The following ARMH3 variants were observed in gnomAD, a reference collection of about 807,000 sequenced individuals.
ARMH3 encodes the protein armadillo like helical domain containing 3.
Under a neutral mutation model 99.1 loss-of-function variants are expected in ARMH3, and 60 were observed. The ratio of observed to expected loss-of-function variants is 0.61; its 90% CI spans 0.49 to 0.75. The LOEUF (loss-of-function observed/expected upper bound fraction) is 0.75. Ranked by LOEUF, ARMH3 falls within the 30% of genes least tolerant of loss-of-function variation. ARMH3 has a pLI of 0.00. For synonymous variants in ARMH3, 285 were observed against 292.8 expected (o/e 0.97, Z 0.27); for missense variants, 679 against 843.1 (o/e 0.81, Z 2.41).
chr10:101,991,459 C>T (rs1159106025), intron 18 of ARMH3, among the ~76,000 whole-genome samples: 1 of 152,070 alleles, frequency 6.6e-6, no homozygotes, highest in African/African-American at 2.4e-5. Flanking sequence ...TGGCTCACTG[C>T]AACCTCTGCC....
intron 1 of ARMH3, among the ~76,000 whole-genome samples, chr10:102,040,744 T>C (rs2067390709): frequency 6.6e-6 from 1 of 152,102 alleles, no homozygotes; most frequent in African/African-American, 2.4e-5. Context: ...GGCCATATAT[T>C]TGAGGTTGAT....
At chr10:101,871,085 A>G (rs1001285961) in intron 24 of ARMH3, among the ~76,000 whole-genome samples, 4 of 152,248 alleles carry the variant, frequency 2.6e-5, no homozygotes, top group Non-Finnish European at 4.4e-5. Context: ...GAAATTTAAA[A>G]TACCATTTAC....
chr10:101,986,555 TTAAG>T (rs1374454643), intron 19 of ARMH3, among the ~76,000 whole-genome samples: 1 of 152,124 alleles, frequency 6.6e-6, no homozygotes, highest in Non-Finnish European at 1.5e-5. Context: ...GCTTTGAGTA[TTAAG>T]TCTTTCCAAA....
At chr10:101,951,609 G>C (rs1287625201) in intron 22 of ARMH3, among the ~76,000 whole-genome samples, 1 of 152,030 alleles carries the variant, frequency 6.6e-6, no homozygotes, top group Non-Finnish European at 1.5e-5. Flanking sequence ...GCTCACACCT[G>C]TAATCCCAGC....
At chr10:102,039,059 T>C (rs2067347297) in intron 2 of ARMH3, among the ~76,000 whole-genome samples, 1 of 152,072 alleles carries the variant, frequency 6.6e-6, no homozygotes, top group African/African-American at 2.4e-5. Context: ...TTTTTGTAAG[T>C]ATTATTCTAC....
Position 102,010,029 on chromosome 10 carries a change from G to C in ARMH3, c.832-6C>G. On this transcript the variant is annotated splice_region_variant and splice_polypyrimidine_tract_variant and intron_variant, in intron 11 of 25. Coordinates refer to ENST00000370033, the MANE Select transcript of ARMH3 (RefSeq NM_024541.3). Reference sequence around the variant, plus strand: ...GCTATGAACATGCTGCCCACCTGTGGAAGAAAAGGGGAATTGCAAACTTAT... The same window carrying C: ...GCTATGAACATGCTGCCCACCTGTGCAAGAAAAGGGGAATTGCAAACTTAT... The C allele has an allele frequency of 6.2e-7, 1 of 1,613,650 alleles. No homozygotes were observed. The highest frequency in any genetic ancestry group is 8.5e-7 in the Non-Finnish European group (1 of 1,179,686).
In ARMH3 at chr10:101,991,893, G is replaced by A. The variant is rs892642204; in HGVS notation, c.1345+76C>T. On this transcript the variant is annotated intron_variant, in intron 18 of 25. Coordinates refer to ENST00000370033, the MANE Select transcript of ARMH3 (RefSeq NM_024541.3). ...ATTTGCGGAAGAAGCACATCAAACA[G>A]GTTCTACTCTTCATCTTCATCATGA... is the stretch of plus-strand genomic sequence containing the variant. 5.3e-6 allele frequency: 7 copies of A among 1,312,718 alleles called. No homozygotes were observed. The Admixed American group carries it at 8.8e-5, about 16-fold the overall frequency. The allele number at this position is 1,312,718 out of a possible 1,614,324, so 81.3% of individuals were successfully genotyped here.
chr10:101,894,945 A>G (rs1453417858), intron 23 of ARMH3, among the ~76,000 whole-genome samples: 1 of 151,376 alleles, frequency 6.6e-6, no homozygotes, highest in Non-Finnish European at 1.5e-5. Flanking sequence ...GAAGGCTGCC[A>G]TCTCATAAGC....
intron 23 of ARMH3, among the ~76,000 whole-genome samples, chr10:101,916,618 T>A (rs565784865): frequency 6.6e-6 from 1 of 152,194 alleles, no homozygotes; most frequent in Non-Finnish European, 1.5e-5. Flanking sequence ...CTTTTTAGTG[T>A]TGTAATGGTT....
At chr10:102,038,845 T>A (rs2067342572) in intron 2 of ARMH3, among the ~76,000 whole-genome samples, 1 of 151,038 alleles carries the variant, frequency 6.6e-6, no homozygotes, top group Admixed American at 6.6e-5. Flanking sequence ...GCTTAAGCAA[T>A]CCTCCCACTT....
intron 19 of ARMH3, among the ~76,000 whole-genome samples, chr10:101,976,383 ATCTCTCTCTC>A (rs542700143): frequency 6.8e-5 from 9 of 131,444 alleles, no homozygotes; most frequent in African/African-American, 2.5e-4. Context: ...AGATTAATCA[ATCTCTCTCTC>A]TCTCTCTCTC....
intron 23 of ARMH3, among the ~76,000 whole-genome samples, chr10:101,935,129 C>G (rs1422247925): frequency 2.0e-5 from 3 of 146,706 alleles, no homozygotes; most frequent in Non-Finnish European, 3.0e-5. Flanking sequence ...GTGGAAGCAG[C>G]TGAAGCAACA....
At chr10:101,897,769 G>T (rs1398105516) in intron 23 of ARMH3, among the ~76,000 whole-genome samples, 1 of 152,184 alleles carries the variant, frequency 6.6e-6, no homozygotes, top group African/African-American at 2.4e-5. Context: ...ATGGCACTGT[G>T]CCCAATGCAC....
chr10:101,904,592 G>A (rs1020340176), intron 23 of ARMH3, among the ~76,000 whole-genome samples: 6 of 151,884 alleles, frequency 4.0e-5, no homozygotes, highest in African/African-American at 7.3e-5. Flanking sequence ...AAAGCCTTTC[G>A]GCCGTCTTCC....
At chr10:102,046,560 AAGAATCGCTTGAACCG>A (rs1298205482) in intron 1 of ARMH3, among the ~76,000 whole-genome samples, 1 of 151,972 alleles carries the variant, frequency 6.6e-6, no homozygotes, top group Non-Finnish European at 1.5e-5. Flanking sequence ...GCTGAGACAG[AAGAATCGCTTGAACCG>A]AGGAGGCGGA....
chr10:101,976,816 A>AT (rs1444246942), intron 19 of ARMH3, among the ~76,000 whole-genome samples: 8 of 151,212 alleles, frequency 5.3e-5, no homozygotes, highest in Non-Finnish European at 4.4e-5. Context: ...TAGCCGGCTA[A>AT]TTTTTTTTTG....
At chr10:101,865,768 C>A (rs1157248329) in intron 24 of ARMH3, among the ~76,000 whole-genome samples, 1 of 151,384 alleles carries the variant, frequency 6.6e-6, no homozygotes. Context: ...GGATTACAGG[C>A]GTGAGCCGCT....
At chr10:102,039,152 T>C (rs1414487706) in intron 2 of ARMH3, among the ~76,000 whole-genome samples, 1 of 148,784 alleles carries the variant, frequency 6.7e-6, no homozygotes, top group Non-Finnish European at 1.5e-5. Context: ...GATAGTGTAT[T>C]TTTTTTTTTT....
chr10:102,029,583 AG>A (rs2067077947), intron 5 of ARMH3, 54 bp downstream of exon 5: 2 of 1,614,238 alleles, frequency 1.2e-6, no homozygotes, highest in East Asian at 4.5e-5. Context: ...GATAGTGTCC[AG>A]GAACAGCTGT....
Sources: gnomAD v4.1 joint callset for allele counts (sites outside exome capture counted in the v4.1 genomes callset) on GRCh38, gnomAD v4.1.1 for gene constraint, MANE v1.5 for transcripts, NCBI Gene and HGNC (gene_info 2026-07-23, HGNC 2026-07-21) for gene names.